The following EXOC4 variants were observed in gnomAD, a reference collection of about 807,000 sequenced individuals.
EXOC4 encodes the protein SEC8-like 1.
In EXOC4, 71 loss-of-function variants were observed where a neutral mutation model predicts 107.2. The ratio of observed to expected loss-of-function variants is 0.66; its 90% confidence interval spans 0.55 to 0.81. The LOEUF is 0.81. Among genes scored for constraint, EXOC4 ranks in the 30% least tolerant of loss-of-function variants. The pLI, the probability that EXOC4 is intolerant of heterozygous loss-of-function variation, is 0.00. For missense variants in EXOC4, 1,108 were observed against 1,189.6 expected (o/e 0.93, Z 1.01); for synonymous variants, 456 against 441.2 (o/e 1.03, Z -0.42).
At chr7:133,445,932 A>C (rs1041952546) in intron 7 of EXOC4, among the ~76,000 whole-genome samples, 2 of 151,682 alleles carry the variant, frequency 1.3e-5, no homozygotes, top group Non-Finnish European at 2.9e-5. Flanking sequence ...GGGAGACTCA[A>C]CTGAGCCCAG....
chr7:133,917,204 C>T (rs1799829419), intron 12 of EXOC4, among the ~76,000 whole-genome samples: 1 of 152,182 alleles, frequency 6.6e-6, no homozygotes, highest in Non-Finnish European at 1.5e-5. Context: ...CTTTCAGGTA[C>T]TAGTTATGTT....
chr7:133,783,899 A>G (rs1376792542), intron 10 of EXOC4, among the ~76,000 whole-genome samples: 1 of 152,210 alleles, frequency 6.6e-6, no homozygotes, highest in Non-Finnish European at 1.5e-5. Context: ...TTTATACAGT[A>G]GATGAAATGC....
intron 10 of EXOC4, among the ~76,000 whole-genome samples, chr7:133,637,265 T>C (rs1563135403): frequency 6.6e-6 from 1 of 152,348 alleles, no homozygotes; most frequent in Middle Eastern, 3.4e-3. Context: ...ACTTATAATA[T>C]CACATATTGC....
chr7:133,664,229 A>G (rs974920900), intron 10 of EXOC4, among the ~76,000 whole-genome samples: 2 of 152,070 alleles, frequency 1.3e-5, no homozygotes, highest in African/African-American at 4.8e-5. Flanking sequence ...TACCATGCAC[A>G]TATTTTATCT....
At chr7:133,644,890 T>G (rs1477006517) in intron 10 of EXOC4, among the ~76,000 whole-genome samples, 1 of 152,276 alleles carries the variant, frequency 6.6e-6, no homozygotes, top group South Asian at 2.1e-4. Flanking sequence ...CATCATTTCC[T>G]TCATTTTTCT....
the EXOC4 span, among the ~76,000 whole-genome samples, chr7:134,084,900 G>C: frequency 4.4e-4 from 52 of 118,130 alleles, no homozygotes; most frequent in Admixed American, 2.4e-3. Flanking sequence ...GTGATGCCTA[G>C]TGGTCAGAAC....
At chr7:133,862,631 G>C (rs1334452905) in intron 11 of EXOC4, among the ~76,000 whole-genome samples, 2 of 152,124 alleles carry the variant, frequency 1.3e-5, no homozygotes, top group East Asian at 3.9e-4. Context: ...TTGCTTTCCT[G>C]CTATGAAACT....
At chr7:133,354,424 G>A (rs541575012) in intron 5 of EXOC4, among the ~76,000 whole-genome samples, 167 of 152,100 alleles carry the variant, frequency 1.1e-3, no homozygotes, top group African/African-American at 3.9e-3. Context: ...ACCTTTACAT[G>A]GGCATGCACA....
intron 9 of EXOC4, among the ~76,000 whole-genome samples, chr7:133,522,209 G>C (rs1258825077): frequency 1.3e-5 from 2 of 152,180 alleles, no homozygotes; most frequent in East Asian, 3.9e-4. Context: ...ATCTTTCTGA[G>C]TGTTGTGCCT....
chr7:133,384,748 C>T (rs568399256), intron 7 of EXOC4, among the ~76,000 whole-genome samples: 28 of 82,040 alleles, frequency 3.4e-4, no homozygotes, highest in South Asian at 1.3e-3. Flanking sequence ...AAAAAAAAAA[C>T]GTTTTCTGAT....
At chr7:133,799,414 A>G (rs1796886381) in intron 10 of EXOC4, among the ~76,000 whole-genome samples, 1 of 152,180 alleles carries the variant, frequency 6.6e-6, no homozygotes. Context: ...TGGCAGGCCA[A>G]ATACCTTGAT....
chr7:133,776,569 G>A (rs576048865), intron 10 of EXOC4, among the ~76,000 whole-genome samples: 7 of 152,224 alleles, frequency 4.6e-5, no homozygotes, highest in Admixed American at 2.6e-4. Flanking sequence ...GTGTGGACAC[G>A]AGTCATTTAC....
intron 9 of EXOC4, among the ~76,000 whole-genome samples, chr7:133,584,587 T>TTC: frequency 7.1e-6 from 1 of 140,276 alleles, no homozygotes; most frequent in East Asian, 2.1e-4. Flanking sequence ...TTTTTTTTGT[T>TTC]TTTTTTTTTG....
the EXOC4 span, among the ~76,000 whole-genome samples, chr7:134,071,621 G>A: frequency 6.6e-6 from 1 of 152,062 alleles, no homozygotes; most frequent in Admixed American, 6.6e-5. Flanking sequence ...ATTGTTCTTG[G>A]GTGTATGCCC....
At chr7:133,284,481 A>G (rs2150537900) in intron 2 of EXOC4, among the ~76,000 whole-genome samples, 1 of 152,338 alleles carries the variant, frequency 6.6e-6, no homozygotes, top group Admixed American at 6.5e-5. Context: ...TCAGAGACTA[A>G]GAACTCCAGT....
At chr7:133,813,419 T>C (rs1287900265) in intron 10 of EXOC4, among the ~76,000 whole-genome samples, 2 of 152,220 alleles carry the variant, frequency 1.3e-5, no homozygotes. Context: ...ATTCTGATGA[T>C]TAATTCTCAT....
intron 10 of EXOC4, among the ~76,000 whole-genome samples, chr7:133,649,219 A>G (rs540816847): frequency 1.7e-4 from 26 of 152,234 alleles, no homozygotes; most frequent in African/African-American, 5.5e-4. Context: ...TTATGGTTCT[A>G]TGGAATTCCT....
intron 9 of EXOC4, among the ~76,000 whole-genome samples, chr7:133,564,214 G>T (rs1350309428): frequency 6.6e-6 from 1 of 152,146 alleles, no homozygotes; most frequent in African/African-American, 2.4e-5. Context: ...TTCTGGGAAG[G>T]CCTCAGGAAA....
intron 11 of EXOC4, among the ~76,000 whole-genome samples, chr7:133,889,579 C>A (rs1434086986): frequency 1.8e-5 from 2 of 112,430 alleles, no homozygotes; most frequent in Non-Finnish European, 1.8e-5. Context: ...CCCCTCCCCC[C>A]TCCCCACCAC....
Sources: gnomAD v4.1 joint callset for allele counts (sites outside exome capture counted in the v4.1 genomes callset) on GRCh38, gnomAD v4.1.1 for gene constraint, MANE v1.5 for transcripts, NCBI Gene and HGNC (gene_info 2026-07-23, HGNC 2026-07-21) for gene names.